KIRREL3: variants seen among roughly 807,000 people sequenced by gnomAD.
The protein encoded by KIRREL3 is kin of IRRE-like protein 3.
A neutral mutation model predicts 89.7 loss-of-function variants in KIRREL3; 36 were observed. The observed-to-expected ratio is 0.40, with a 90% CI of 0.31 to 0.53. The LOEUF (loss-of-function observed/expected upper bound fraction) is 0.53. Ranked by LOEUF, KIRREL3 falls within the 20% of genes least tolerant of loss-of-function variation. The pLI, the probability that KIRREL3 is intolerant of heterozygous loss-of-function variation, is 0.49. For synonymous variants in KIRREL3, 445 were observed against 441.4 expected, an observed-to-expected ratio of 1.01 and a Z score of -0.10; for missense variants, 864 against 1,056.6, an observed-to-expected ratio of 0.82 and a Z score of 2.53.
intron 1 of KIRREL3, among the ~76,000 whole-genome samples, chr11:126,770,538 TA>T (rs1949987564): frequency 6.6e-6 from 1 of 152,188 alleles, no homozygotes; most frequent in Non-Finnish European, 1.5e-5. Context: ...TTGATGGTTG[TA>T]AAACGGAAGG....
rs1443644911 is a variant in KIRREL3 at position 126,931,291 on chromosome 11, T to C, written c.55+69164A>G. 6.6e-6 allele frequency among the ~76,000 whole-genome samples: 1 copy of C among 152,188 alleles called. No individual in the cohort carries two copies. The highest frequency in any genetic ancestry group is 2.4e-5 in the African/African-American group (1 of 41,438). Reference sequence around the variant, plus strand: ...ACATAGGATGTACTGAAATCAAGATTGAATGAATGAATGAATGGATAGACT... The same window carrying C: ...ACATAGGATGTACTGAAATCAAGATCGAATGAATGAATGAATGGATAGACT... On this transcript the variant is annotated intron_variant, in intron 1 of 16. Transcript: ENST00000525144. The surrounding 1 kb of genome is among the most constrained non-coding windows in gnomAD (Gnocchi z 5.1).
At position 126,489,278 on chromosome 11, in the gene KIRREL3, G is replaced by A. The variant is rs1957447735; in HGVS notation, c.434-15812C>T. Among the ~76,000 whole-genome samples, 1 of 152,160 alleles carries A rather than the reference G, an allele frequency of 6.6e-6. No homozygotes were observed. Among genetic ancestry groups the A allele is most frequent in the Non-Finnish European group, 1.5e-5 (1 of 68,024 alleles). On this transcript the variant is annotated intron_variant, in intron 4 of 16. Coordinates refer to ENST00000525144, the MANE Select transcript of KIRREL3 (RefSeq NM_032531.4). The surrounding 1 kb of genome is among the most constrained non-coding windows in gnomAD (Gnocchi z 5.5). ...TTCCTAAGGGAAGCAGCCCTGTCAT[G>A]TTCCTCTTTGTCTCTCTCTCCTGCC...
At chr11:126,546,715 C>G (rs1352893740) in intron 2 of KIRREL3, among the ~76,000 whole-genome samples, 1 of 152,202 alleles carries the variant, frequency 6.6e-6, no homozygotes, top group Non-Finnish European at 1.5e-5. Context: ...GATCTCAGCA[C>G]AAATGGGACT....
At chr11:126,598,853 A>C (rs1425204493) in intron 1 of KIRREL3, among the ~76,000 whole-genome samples, 1 of 152,112 alleles carries the variant, frequency 6.6e-6, no homozygotes, top group East Asian at 1.9e-4. Context: ...TGCAAGCGTT[A>C]CTTCTGACCT....
chr11:126,978,562 A>G lies in KIRREL3; in HGVS notation c.55+21893T>C, dbSNP rs1239050324. 1.3e-5 allele frequency among the ~76,000 whole-genome samples: 2 copies of G among 152,108 alleles called. No homozygotes were observed. Among genetic ancestry groups the G allele is most frequent in the Non-Finnish European group, 2.9e-5 (2 of 68,016 alleles). On this transcript the variant is annotated intron_variant, in intron 1 of 16. Coordinates refer to ENST00000525144, the MANE Select transcript of KIRREL3 (RefSeq NM_032531.4). The surrounding 1 kb of genome is among the most constrained non-coding windows in gnomAD (Gnocchi z 4.2). The stretch of plus-strand genomic sequence containing the variant: ...CTATGCCCAGTGCATTCAGCCACTG[A>G]TGCTCCTTGGTTCTGGCCACGCCCA...
At position 126,729,735 on chromosome 11, in the gene KIRREL3, G is replaced by A. The variant is rs1948537505; in HGVS notation, c.56-166823C>T. On this transcript the variant is annotated intron_variant, in intron 1 of 16. Coordinates refer to ENST00000525144, the MANE Select transcript of KIRREL3 (RefSeq NM_032531.4). This position sits in a 1 kb window ranked among gnomAD's most constrained non-coding sequence, Gnocchi z 4.5. ...ACAGGTGAAAAGCTCACAGCTCAGG[G>A]TCCCCTGCTATTTTATGAGCTTGGG... is the stretch of plus-strand genomic sequence containing the variant. Among the ~76,000 whole-genome samples, 1 of 152,142 alleles carries A rather than the reference G, an allele frequency of 6.6e-6. No homozygotes were observed. Among genetic ancestry groups the A allele is most frequent in the South Asian group, 2.1e-4 (1 of 4,834 alleles).
At chr11:126,743,881 T>G (rs1200128558) in intron 1 of KIRREL3, among the ~76,000 whole-genome samples, 1 of 152,180 alleles carries the variant, frequency 6.6e-6, no homozygotes, top group Admixed American at 6.5e-5. Flanking sequence ...GGTATGTATA[T>G]GAGTGTGTGT....
intron 1 of KIRREL3, among the ~76,000 whole-genome samples, chr11:126,889,763 T>C (rs1945840045): frequency 6.6e-6 from 1 of 152,146 alleles, no homozygotes; most frequent in Non-Finnish European, 1.5e-5. Context: ...TTTGGAAAAA[T>C]TATGAGAGCA....
rs558731430 is a variant in KIRREL3, at chr11:126,689,243, T to A, written c.56-126331A>T. On this transcript the variant is annotated intron_variant, in intron 1 of 16. Transcript: ENST00000525144. The surrounding 1 kb of genome is among the most constrained non-coding windows in gnomAD (Gnocchi z 5.2). The stretch of plus-strand genomic sequence containing the variant: ...AGAAAGACGATTTTCCAATGGCCAA[T>A]ACCTTCTCCCAGTGGCTTGTGAGAT... Among the ~76,000 whole-genome samples, 39 of 152,194 alleles carry A rather than the reference T, an allele frequency of 2.6e-4. No homozygotes were observed. Among genetic ancestry groups the A allele is most frequent in the African/African-American group, 8.9e-4 (37 of 41,542 alleles).
intron 1 of KIRREL3, among the ~76,000 whole-genome samples, chr11:126,862,592 G>A (rs1265804087): frequency 6.6e-6 from 1 of 152,208 alleles, no homozygotes; most frequent in African/African-American, 2.4e-5. Flanking sequence ...GAGAAGCCCT[G>A]ATGAATGAAG....
rs1480415106 is a variant in KIRREL3, at chr11:126,606,369, T to C, written c.56-43457A>G. Among the ~76,000 whole-genome samples the C allele has an allele frequency of 6.6e-6, 1 of 152,210 alleles. No individual in the cohort carries two copies. Among genetic ancestry groups the C allele is most frequent in the African/African-American group, 2.4e-5 (1 of 41,454 alleles). On this transcript the variant is annotated intron_variant, in intron 1 of 16. Coordinates refer to ENST00000525144, the MANE Select transcript of KIRREL3 (RefSeq NM_032531.4). This position sits in a 1 kb window ranked among gnomAD's most constrained non-coding sequence, Gnocchi z 4.6. ...CTTTCTGTGTTTCAGTTTCCAAGTCTGTAAAATACGGGGAAATAATACCTA... is the reference window on the plus strand; with the variant it reads ...CTTTCTGTGTTTCAGTTTCCAAGTCCGTAAAATACGGGGAAATAATACCTA...
chr11:126,526,590 G>A lies in KIRREL3; in HGVS notation c.231C>T (p.Phe77=), dbSNP rs768135124. The A allele has an allele frequency of 1.1e-5, 18 of 1,612,362 alleles. No homozygotes were observed. Among genetic ancestry groups the A allele is most frequent in the South Asian group, 2.2e-5 (2 of 90,422 alleles). The part of the protein sequence containing the change: ...LLCAIPEYDG[F]VLWIKDGLAL... Reference sequence around the variant, plus strand: ...CCAAGCCGTCCTTGATCCACAGAACGAAGCCATCGTATTCGGGGATGGCGC... The same window carrying A: ...CCAAGCCGTCCTTGATCCACAGAACAAAGCCATCGTATTCGGGGATGGCGC... The change falls in exon 3 of 17, where the codon TTC becomes TTT. Residue 77 remains phenylalanine, a synonymous_variant. Coordinates refer to ENST00000525144, the MANE Select transcript of KIRREL3 (RefSeq NM_032531.4). This position sits in a 1 kb window ranked among gnomAD's most constrained non-coding sequence, Gnocchi z 5.7.
At chr11:126,935,543 G>A (rs1416361008) in intron 1 of KIRREL3, 2 of 152,126 alleles carry the variant, frequency 1.3e-5, no homozygotes, top group Non-Finnish European at 1.5e-5. Flanking sequence ...ATATTATTTG[G>A]TGTTAAAAAG....
At chr11:126,460,760 G>A (rs1480417955) in intron 6 of KIRREL3, among the ~76,000 whole-genome samples, 2 of 152,214 alleles carry the variant, frequency 1.3e-5, no homozygotes, top group East Asian at 1.9e-4. Context: ...TTAGGAGGGC[G>A]AGTTTCCCGT....
At chr11:126,804,812 A>G (rs1951153941) in intron 1 of KIRREL3, among the ~76,000 whole-genome samples, 1 of 152,168 alleles carries the variant, frequency 6.6e-6, no homozygotes, top group Non-Finnish European at 1.5e-5. Context: ...GATCCCTAAC[A>G]GTGGATAAAC....
chr11:126,714,140 C>T lies in KIRREL3; in HGVS notation c.56-151228G>A, dbSNP rs546223930. ...CCAGGCTGGTGCACAAGCCACAGCCCGGACAGTCAGTGCCTCCCTCAATTT... is the reference window on the plus strand; with the variant it reads ...CCAGGCTGGTGCACAAGCCACAGCCTGGACAGTCAGTGCCTCCCTCAATTT... On this transcript the variant is annotated intron_variant, in intron 1 of 16. Coordinates refer to ENST00000525144, the MANE Select transcript of KIRREL3 (RefSeq NM_032531.4). Among the ~76,000 whole-genome samples the T allele has an allele frequency of 8.3e-4, 127 of 152,268 alleles. 4 individuals are homozygous for T. The South Asian group carries it at 0.025, about 30-fold the overall frequency.
chr11:126,607,230 T>G lies in KIRREL3; in HGVS notation c.56-44318A>C, dbSNP rs1942927423. ...AACGATGGAGTAGCTGAGCCGAGAT[T>G]GGCTCACCTCCTTGTACAGGAAGAA... On this transcript the variant is annotated intron_variant, in intron 1 of 16. Transcript: ENST00000525144. This position sits in a 1 kb window ranked among gnomAD's most constrained non-coding sequence, Gnocchi z 6.6. 6.6e-6 allele frequency among the ~76,000 whole-genome samples: 1 copy of G among 152,152 alleles called. No homozygotes were observed. The highest frequency in any genetic ancestry group is 6.5e-5 in the Admixed American group (1 of 15,284).
At chr11:126,785,142 C>T (rs116272311) in intron 1 of KIRREL3, among the ~76,000 whole-genome samples, 5,496 of 152,176 alleles carry the variant, frequency 0.036, 316 homozygotes, top group African/African-American at 0.12. Context: ...GGGAATGTGG[C>T]TGGTGCGGGC....
Position 126,508,281 on chromosome 11 carries a change from G to A in KIRREL3, c.433+13034C>T, listed in dbSNP as rs1311336147. On this transcript the variant is annotated intron_variant, in intron 4 of 16. Transcript: ENST00000525144. The surrounding 1 kb of genome is among the most constrained non-coding windows in gnomAD (Gnocchi z 4.9). ...CAGCTATTTATTTTTGTGAGATGGA[G>A]GCTTCTGGGTGCCTATGAACCTCCC... Among the ~76,000 whole-genome samples the A allele has an allele frequency of 6.6e-6, 1 of 152,166 alleles. No homozygotes were observed. Among genetic ancestry groups the A allele is most frequent in the Non-Finnish European group, 1.5e-5 (1 of 68,038 alleles).
Sources: gnomAD v4.1 joint callset for allele counts (sites outside exome capture counted in the v4.1 genomes callset) on GRCh38, gnomAD v4.1.1 for gene constraint, Gnocchi (gnomAD v3.1) non-coding constraint, MANE v1.5 for transcripts, NCBI Gene and HGNC (gene_info 2026-07-23, HGNC 2026-07-21) for gene names.